Variants in SKIC3 observed in about 807,000 individuals in gnomAD.
SKIC3 encodes superkiller complex protein 3.
chr5:95,510,277 G>A, the SKIC3 span, among the ~76,000 whole-genome samples: 15 of 152,292 alleles, frequency 9.8e-5, no homozygotes, highest in South Asian at 8.3e-4. Flanking sequence ...TGCTGTCCTC[G>A]TTCATTCCTG....
At chr5:95,518,477 C>G in the SKIC3 span, among the ~76,000 whole-genome samples, 1 of 151,878 alleles carries the variant, frequency 6.6e-6, no homozygotes, top group Non-Finnish European at 1.5e-5. Context: ...CCCTTCCCAG[C>G]TTCTAGTATC....
the SKIC3 span, among the ~76,000 whole-genome samples, chr5:95,523,020 G>C: frequency 5.5e-4 from 84 of 152,088 alleles, no homozygotes; most frequent in South Asian, 3.7e-3. Context: ...CTCAACAACA[G>C]GACACCATTT....
At chr5:95,498,658 C>T in the SKIC3 span, 1 of 1,418,108 alleles carries the variant, frequency 7.1e-7, no homozygotes. Context: ...CGGAGTCTCG[C>T]TCTGTCGCCC....
chr5:95,465,901 C>T, the SKIC3 span, among the ~76,000 whole-genome samples: 2 of 152,184 alleles, frequency 1.3e-5, no homozygotes, highest in African/African-American at 2.4e-5. Context: ...AATCAGGCCT[C>T]CTGCTCACAG....
At chr5:95,490,996 G>T in the SKIC3 span, 1 of 1,614,008 alleles carries the variant, frequency 6.2e-7, no homozygotes, top group Non-Finnish European at 8.5e-7. Context: ...TATCATCAGC[G>T]TGACAGGCTG....
the SKIC3 span, among the ~76,000 whole-genome samples, chr5:95,549,040 T>C: frequency 1.3e-5 from 2 of 151,916 alleles, no homozygotes; most frequent in Non-Finnish European, 2.9e-5. Flanking sequence ...AGAGAAAGAC[T>C]TAAGACATAT....
chr5:95,504,165 G>A, the SKIC3 span, among the ~76,000 whole-genome samples: 8 of 151,758 alleles, frequency 5.3e-5, no homozygotes, highest in Admixed American at 2.0e-4. Flanking sequence ...GTGAAACCCC[G>A]TCTCTACTAA....
chr5:95,469,461 A>T, the SKIC3 span, among the ~76,000 whole-genome samples: 2 of 152,310 alleles, frequency 1.3e-5, no homozygotes, highest in African/African-American at 4.8e-5. Flanking sequence ...AACCCACATC[A>T]CACTGTTGGT....
At chr5:95,510,500 G>A in the SKIC3 span, among the ~76,000 whole-genome samples, 4 of 152,156 alleles carry the variant, frequency 2.6e-5, no homozygotes, top group Non-Finnish European at 5.9e-5. Context: ...AATTGTTCCT[G>A]GGGATAACAT....
the SKIC3 span, among the ~76,000 whole-genome samples, chr5:95,492,636 C>CAAAA: frequency 4.2e-4 from 6 of 14,130 alleles, no homozygotes; most frequent in Admixed American, 1.1e-3. Flanking sequence ...GACTCCGTCT[C>CAAAA]AAAAAAAAAA....
the SKIC3 span, among the ~76,000 whole-genome samples, chr5:95,466,685 G>A: frequency 0.24 from 36,671 of 152,082 alleles, 5,782 homozygotes; most frequent in African/African-American, 0.44. Context: ...TCTCTCCTTT[G>A]GTTTACCAGC....
At chr5:95,473,011 A>G in the SKIC3 span, among the ~76,000 whole-genome samples, 836 of 152,114 alleles carry the variant, frequency 5.5e-3, 10 homozygotes, top group African/African-American at 0.019. Context: ...CTAATCCACT[A>G]TATGGCACCG....
chr5:95,482,433 G>A, the SKIC3 span: 1,143 of 1,597,240 alleles, frequency 7.2e-4, 9 homozygotes, highest in Non-Finnish European at 1.8e-4. Context: ...ATTATGAAGT[G>A]TTTTAATTGA....
the SKIC3 span, among the ~76,000 whole-genome samples, chr5:95,549,016 T>G: frequency 1.3e-5 from 2 of 151,846 alleles, no homozygotes; most frequent in Non-Finnish European, 2.9e-5. Context: ...ATATAAAGAA[T>G]ATAATCTAAA....
the SKIC3 span, among the ~76,000 whole-genome samples, chr5:95,517,753 C>G: frequency 3.4e-4 from 52 of 152,026 alleles, no homozygotes; most frequent in African/African-American, 1.2e-3. Context: ...TTCTCTCATG[C>G]TGTGTAGTTT....
the SKIC3 span, chr5:95,528,827 AC>A: frequency 6.5e-6 from 4 of 617,740 alleles, no homozygotes; most frequent in Middle Eastern, 4.4e-4. Context: ...AAAAATAAAC[AC>A]ACTAGTACAC....
chr5:95,523,940 T>C, the SKIC3 span: 1 of 1,201,588 alleles, frequency 8.3e-7, no homozygotes, highest in South Asian at 1.5e-5. Flanking sequence ...AGAAATAATT[T>C]CATTAAACAT....
the SKIC3 span, among the ~76,000 whole-genome samples, chr5:95,483,646 C>T: frequency 6.6e-6 from 1 of 152,302 alleles, no homozygotes; most frequent in African/African-American, 2.4e-5. Context: ...AAAAATTACA[C>T]AACCTCCATG....
chr5:95,510,457 C>G, the SKIC3 span, among the ~76,000 whole-genome samples: 1 of 152,222 alleles, frequency 6.6e-6, no homozygotes, highest in East Asian at 1.9e-4. Context: ...AGGAGTCATA[C>G]AGCTGGAGGC....
Sources: allele counts gnomAD v4.1 joint callset (sites outside exome capture counted in the v4.1 genomes callset), GRCh38; gene constraint gnomAD v4.1.1; transcripts MANE v1.5; gene names NCBI Gene and HGNC (gene_info 2026-07-23, HGNC 2026-07-21).